The following DPF3 variants were observed in gnomAD, a reference collection of about 807,000 sequenced individuals.
The protein encoded by DPF3 is zinc finger protein DPF3.
A neutral mutation model predicts 56.8 loss-of-function variants in DPF3; 18 were observed. The observed-to-expected ratio is 0.32, with a 90% CI of 0.22 to 0.47. The LOEUF is 0.47. Ranked by LOEUF, DPF3 falls within the 20% of genes least tolerant of loss-of-function variation. The pLI is 1.00. For missense variants in DPF3, 403 were observed against 488.8 expected (o/e 0.82, Z 1.65); for synonymous variants, 188 against 180.2 (o/e 1.04, Z -0.35).
At chr14:72,816,522 T>C (rs943020470) in intron 1 of DPF3, among the ~76,000 whole-genome samples, 6 of 151,952 alleles carry the variant, frequency 3.9e-5, no homozygotes, top group East Asian at 3.9e-4. Context: ...GAAGAGCCTA[T>C]TGACTCAGAA....
intron 1 of DPF3, among the ~76,000 whole-genome samples, chr14:72,863,063 TATATATATATA>T: frequency 6.8e-4 from 1 of 1,470 alleles, no homozygotes; most frequent in Non-Finnish European, 1.7e-3. Flanking sequence ...TCCATTTATA[TATATATATATA>T]TATATATATA....
At position 72,801,676 on chromosome 14, in the gene DPF3, C is replaced by G. The variant is rs557134882; in HGVS notation, c.33-29783G>C. On this transcript the variant is annotated intron_variant, in intron 1 of 10. Coordinates refer to ENST00000556509, the MANE Select transcript of DPF3 (RefSeq NM_001280542.3). ...TGTAGCCAGGTGGGTTCAGCTCTCA[C>G]TTTGCTCAGGATATGGGTGTCCAGT... Among the ~76,000 whole-genome samples, 10 of 152,288 alleles carry G rather than the reference C, an allele frequency of 6.6e-5. No homozygotes were observed. The South Asian group carries it at 1.9e-3, about 28-fold the overall frequency.
intron 6 of DPF3, among the ~76,000 whole-genome samples, chr14:72,705,622 C>T (rs975644949): frequency 4.6e-5 from 7 of 152,176 alleles, no homozygotes; most frequent in African/African-American, 1.4e-4. Context: ...TCTGTGCCCC[C>T]AATCTCCCTA....
intron 6 of DPF3, among the ~76,000 whole-genome samples, chr14:72,702,035 A>C (rs760755139): frequency 6.6e-6 from 1 of 152,134 alleles, no homozygotes; most frequent in Admixed American, 6.5e-5. Flanking sequence ...TCCCCATTCC[A>C]CAGATGAAGA....
chr14:72,861,696 G>A (rs1567260959), intron 1 of DPF3, among the ~76,000 whole-genome samples: 2 of 133,510 alleles, frequency 1.5e-5, no homozygotes, highest in Non-Finnish European at 3.2e-5. Context: ...AGAAAAGAAA[G>A]AAAGAGAGAG....
intron 1 of DPF3, among the ~76,000 whole-genome samples, chr14:72,868,872 T>TC (rs1450478731): frequency 6.6e-6 from 1 of 152,176 alleles, no homozygotes; most frequent in Non-Finnish European, 1.5e-5. Flanking sequence ...ATCCTGACCT[T>TC]CCCGGGCTCC....
intron 1 of DPF3, among the ~76,000 whole-genome samples, chr14:72,804,629 T>C (rs1041852108): frequency 3.9e-5 from 6 of 152,158 alleles, no homozygotes; most frequent in South Asian, 2.1e-4. Context: ...GTTTTTGTTT[T>C]TTTTCCCAAT....
chr14:72,843,734 G>GA (rs1197941387), intron 1 of DPF3, among the ~76,000 whole-genome samples: 4 of 152,114 alleles, frequency 2.6e-5, no homozygotes, highest in Admixed American at 1.3e-4. Flanking sequence ...TAGAGATGGG[G>GA]TTTCTCCATG....
At chr14:72,845,369 G>A (rs1386983128) in intron 1 of DPF3, among the ~76,000 whole-genome samples, 1 of 151,590 alleles carries the variant, frequency 6.6e-6, no homozygotes. Context: ...TAGAGGTCAA[G>A]TCCAAGAGGT....
At chr14:72,756,922 G>GA (rs1235780950) in intron 2 of DPF3, among the ~76,000 whole-genome samples, 12 of 135,756 alleles carry the variant, frequency 8.8e-5, no homozygotes, top group African/African-American at 3.9e-4. Flanking sequence ...AAGAAAGAAA[G>GA]AAAGAAAGAA....
chr14:72,890,963 A>G (rs1271503649), intron 1 of DPF3, among the ~76,000 whole-genome samples: 3 of 152,170 alleles, frequency 2.0e-5, no homozygotes, highest in Non-Finnish European at 4.4e-5. Context: ...AACAAGGAAG[A>G]AAAAGAAAGG....
chr14:72,783,886 G>A (rs1194533330), intron 1 of DPF3, among the ~76,000 whole-genome samples: 2 of 152,096 alleles, frequency 1.3e-5, no homozygotes, highest in Admixed American at 1.3e-4. Context: ...GTGGTGCCAG[G>A]GGCAGCGGCA....
At chr14:72,719,750 C>T (rs182856323) in intron 5 of DPF3, among the ~76,000 whole-genome samples, 5 of 152,288 alleles carry the variant, frequency 3.3e-5, no homozygotes, top group African/African-American at 9.6e-5. Flanking sequence ...CCTTTGCTTG[C>T]CCCCTCCTGA....
chr14:72,709,532 C>A lies in DPF3; in HGVS notation c.604+4891G>T, dbSNP rs142499957. Among the ~76,000 whole-genome samples the A allele has an allele frequency of 9.5e-4, 145 of 152,322 alleles. 1 individual carries two copies. The highest frequency in any genetic ancestry group is 3.4e-3 in the African/African-American group (143 of 41,562). On this transcript the variant is annotated intron_variant, in intron 6 of 10. Coordinates refer to ENST00000556509, the MANE Select transcript of DPF3 (RefSeq NM_001280542.3). ...ATCGACAGCGGCCAGGGCTTCACCTCATAAGTAAGTTGTGCGTTCTCATTA... is the reference window on the plus strand; with the variant it reads ...ATCGACAGCGGCCAGGGCTTCACCTAATAAGTAAGTTGTGCGTTCTCATTA...
At chr14:72,872,731 C>T (rs1294031262) in intron 1 of DPF3, among the ~76,000 whole-genome samples, 3 of 152,236 alleles carry the variant, frequency 2.0e-5, no homozygotes, top group African/African-American at 4.8e-5. Context: ...GAGATATAGA[C>T]CAATGGAACA....
intron 1 of DPF3, among the ~76,000 whole-genome samples, chr14:72,775,764 C>T (rs985704636): frequency 3.9e-5 from 6 of 152,012 alleles, no homozygotes; most frequent in East Asian, 1.9e-4. Context: ...GGCAGAGATT[C>T]GGAACCAAAA....
chr14:72,643,451 T>G (rs528229894), intron 8 of DPF3, among the ~76,000 whole-genome samples: 6 of 152,296 alleles, frequency 3.9e-5, no homozygotes, highest in Non-Finnish European at 7.4e-5. Context: ...TGGAAAACCC[T>G]GGGGAAGAAT....
intron 8 of DPF3, among the ~76,000 whole-genome samples, chr14:72,669,526 C>T (rs1886580201): frequency 6.6e-6 from 1 of 152,190 alleles, no homozygotes; most frequent in South Asian, 2.1e-4. Flanking sequence ...ACCACCTAGA[C>T]ATGCAGTGCC....
intron 1 of DPF3, among the ~76,000 whole-genome samples, chr14:72,891,123 G>C (rs939434715): frequency 6.6e-6 from 1 of 152,134 alleles, no homozygotes; most frequent in African/African-American, 2.4e-5. Context: ...TTGAATTATT[G>C]AATGTCCCAC....
Sources: allele counts gnomAD v4.1 joint callset (sites outside exome capture counted in the v4.1 genomes callset), GRCh38; gene constraint gnomAD v4.1.1; transcripts MANE v1.5; gene names NCBI Gene and HGNC (gene_info 2026-07-23, HGNC 2026-07-21).